Variants in TRAPPC9 observed in about 807,000 individuals in gnomAD.
TRAPPC9 encodes the protein IKK2 binding protein.
TRAPPC9 carries 83 observed loss-of-function variants against 124.0 expected under a neutral mutation model. That is an observed-to-expected ratio of 0.67 (90% CI 0.56 to 0.80). The LOEUF (loss-of-function observed/expected upper bound fraction) is 0.80. TRAPPC9 is among the 30% of genes least tolerant of loss of function. The probability of loss-of-function intolerance (pLI) is 0.00; values close to 1 mark genes in which losing one functional copy is unlikely to be tolerated. For synonymous variants in TRAPPC9, 638 were observed against 617.5 expected, an observed-to-expected ratio of 1.03 and a Z score of -0.49; for missense variants, 1,302 against 1,508.3, an observed-to-expected ratio of 0.86 and a Z score of 2.27.
chr8:140,275,661 T>C lies in TRAPPC9; in HGVS notation c.2275A>G (p.Lys759Glu). Residue 759 changes from lysine to glutamate, a missense_variant, in exon 15 of 23, where the codon AAA becomes GAA. By Grantham distance (56) the Lys-to-Glu change is moderately conservative. Around this residue, in one of 3 missense-constraint regions of TRAPPC9, gnomAD observed 640 missense variants for 679.3 expected, o/e 0.94. Coordinates refer to ENST00000438773, the MANE Select transcript of TRAPPC9 (RefSeq NM_001160372.4). The part of the protein sequence containing the change: ...LEVTSKVLTT[K>E]EKLYGDFLSW... ...CAAAGCTGCTTACAATACCTACCTT[T>C]AGTGGTGAGAACTTTCGAGGTGACC... 6.2e-7 allele frequency: 1 copy of C among 1,614,100 alleles called. No homozygotes were observed. The highest frequency in any genetic ancestry group is 1.1e-5 in the South Asian group (1 of 91,088).
intron 17 of TRAPPC9, among the ~76,000 whole-genome samples, chr8:140,172,526 T>C (rs1418580229): frequency 6.6e-6 from 1 of 151,710 alleles, no homozygotes; most frequent in South Asian, 2.1e-4. Flanking sequence ...GGAGTTAAAC[T>C]ACCTCTGACA....
chr8:139,814,018 T>G (rs557229005), intron 21 of TRAPPC9, among the ~76,000 whole-genome samples: 34 of 152,250 alleles, frequency 2.2e-4, no homozygotes, highest in African/African-American at 7.7e-4. Context: ...AGAATCCAGC[T>G]CAGTCCAGCT....
chr8:139,760,211 G>A (rs1443032547), intron 21 of TRAPPC9, among the ~76,000 whole-genome samples: 1 of 152,176 alleles, frequency 6.6e-6, no homozygotes, highest in African/African-American at 2.4e-5. Context: ...GAGGGTGGAC[G>A]TGGACCCTTC....
At chr8:139,862,011 T>A (rs185405439) in intron 21 of TRAPPC9, among the ~76,000 whole-genome samples, 27 of 152,376 alleles carry the variant, frequency 1.8e-4, no homozygotes, top group Non-Finnish European at 2.6e-4. Flanking sequence ...TACTTGCCTG[T>A]CTGAATGCAA....
chr8:140,372,462 C>G (rs1474356414), intron 7 of TRAPPC9, among the ~76,000 whole-genome samples: 1 of 152,120 alleles, frequency 6.6e-6, no homozygotes, highest in Non-Finnish European at 1.5e-5. Context: ...GTCTTCCTAC[C>G]ACCTCTCGAC....
intron 21 of TRAPPC9, among the ~76,000 whole-genome samples, chr8:139,784,601 A>C (rs1287947556): frequency 1.9e-5 from 2 of 106,612 alleles, no homozygotes; most frequent in African/African-American, 7.7e-5. Flanking sequence ...AATAAATAAA[A>C]GACTGACATA....
intron 9 of TRAPPC9, among the ~76,000 whole-genome samples, chr8:140,335,653 AT>A (rs1403296453): frequency 6.6e-6 from 1 of 151,072 alleles, no homozygotes; most frequent in Admixed American, 6.6e-5. Context: ...TTTTTGTTAT[AT>A]TTTGAATATA....
chr8:140,384,499 G>A (rs1198529831), intron 7 of TRAPPC9, among the ~76,000 whole-genome samples: 3 of 152,168 alleles, frequency 2.0e-5, no homozygotes, highest in Admixed American at 2.0e-4. Context: ...AAAAAAGGCA[G>A]GGGTTGCAAT....
rs566811493 is a variant in TRAPPC9 at position 140,085,344 on chromosome 8, A to G, written c.2557-61265T>C. Among the ~76,000 whole-genome samples the G allele has an allele frequency of 3.9e-5, 6 of 151,988 alleles. No homozygotes were observed. The South Asian group carries it at 1.0e-3, about 26-fold the overall frequency. ...CAGAAAGAATCTTACTGTTTAAAAA[A>G]AAAAAAAAAGGCTTGGAAACCACTG... On this transcript the variant is annotated intron_variant, in intron 17 of 22. Coordinates refer to ENST00000438773, the MANE Select transcript of TRAPPC9 (RefSeq NM_001160372.4).
intron 19 of TRAPPC9, among the ~76,000 whole-genome samples, chr8:139,925,472 GC>G (rs1832753367): frequency 6.6e-6 from 1 of 152,184 alleles, no homozygotes; most frequent in Non-Finnish European, 1.5e-5. Flanking sequence ...TAAAGGCCGG[GC>G]ACGGTGGCTC....
chr8:140,201,982 G>C (rs1358652154), intron 17 of TRAPPC9, among the ~76,000 whole-genome samples: 1 of 152,110 alleles, frequency 6.6e-6, no homozygotes, highest in Non-Finnish European at 1.5e-5. Context: ...AAATGTGGAA[G>C]GTTCCAGCAT....
intron 14 of TRAPPC9, among the ~76,000 whole-genome samples, chr8:140,278,998 A>C (rs1171434503): frequency 9.9e-5 from 15 of 152,168 alleles, no homozygotes; most frequent in Admixed American, 9.8e-4. Flanking sequence ...CACAGCGCTG[A>C]ATTCTCCTGC....
chr8:139,917,167 C>CTTTTTTTTTTTTT lies in TRAPPC9; in HGVS notation c.2811-6880_2811-6868dup, dbSNP rs71318317. 8.0e-3 allele frequency among the ~76,000 whole-genome samples: 796 copies of CTTTTTTTTTTTTT among 99,898 alleles called. 34 individuals carry two copies. Among genetic ancestry groups the CTTTTTTTTTTTTT allele is most frequent in the East Asian group, 0.013 (37 of 2,920 alleles). The allele number at this position is 99,898 out of a possible 152,430, so 65.5% of individuals were successfully genotyped here. A position where few individuals can be genotyped will look rare whatever the true frequency, so the allele number is the denominator to read the frequency against. ...AGAAATCCTTCTTCATTATTATTTT[C>CTTTTTTTTTTTTT]TTTTTTTTTTTTTTTTTTTTTGTTG... On this transcript the variant is annotated intron_variant, in intron 19 of 22. Transcript: ENST00000438773.
intron 3 of TRAPPC9, among the ~76,000 whole-genome samples, chr8:140,435,506 G>A (rs997185968): frequency 6.6e-6 from 1 of 152,210 alleles, no homozygotes; most frequent in African/African-American, 2.4e-5. Flanking sequence ...CCACACTCAA[G>A]GTTTCCCTGC....
chr8:140,375,174 A>C (rs553592438), intron 7 of TRAPPC9, among the ~76,000 whole-genome samples: 1 of 152,314 alleles, frequency 6.6e-6, no homozygotes, highest in Non-Finnish European at 1.5e-5. Flanking sequence ...GATCCTCAGG[A>C]AATCTTGAAA....
chr8:139,886,038 A>T, intron 20 of TRAPPC9, 69 bp from the exon 21 acceptor site: 1 of 1,441,758 alleles, frequency 6.9e-7, no homozygotes, highest in Non-Finnish European at 9.5e-7. Flanking sequence ...AGAAGTCTCT[A>T]GACAGAGACC....
intron 14 of TRAPPC9, among the ~76,000 whole-genome samples, chr8:140,279,704 G>A (rs560189317): frequency 4.3e-4 from 65 of 152,178 alleles, no homozygotes; most frequent in African/African-American, 1.4e-3. Context: ...CAGTGCATCC[G>A]CAGGACAATA....
chr8:139,985,036 G>A (rs1587414963), intron 19 of TRAPPC9, among the ~76,000 whole-genome samples: 1 of 152,146 alleles, frequency 6.6e-6, no homozygotes, highest in Admixed American at 6.5e-5. Flanking sequence ...CTGACACGGG[G>A]CTTACCACAC....
At chr8:140,342,924 T>C (rs111352216) in intron 9 of TRAPPC9, among the ~76,000 whole-genome samples, 3,999 of 152,240 alleles carry the variant, frequency 0.026, 71 homozygotes, top group South Asian at 0.096. Flanking sequence ...AAATACAATA[T>C]AGGACATCAA....
Sources: allele counts gnomAD v4.1 joint callset (sites outside exome capture counted in the v4.1 genomes callset), GRCh38; gene constraint gnomAD v4.1.1; regional missense constraint gnomAD v4.1.1; transcripts MANE v1.5; gene names NCBI Gene and HGNC (gene_info 2026-07-23, HGNC 2026-07-21).